Variants in GPD2 observed in about 807,000 individuals in gnomAD.
GPD2 encodes the protein glycerol-3-phosphate dehydrogenase 2.
In GPD2, 54 loss-of-function variants were observed where a neutral mutation model predicts 82.4. The ratio of observed to expected loss-of-function variants is 0.66; its 90% CI spans 0.53 to 0.82. GPD2 has a LOEUF of 0.82. Ranked by LOEUF, GPD2 falls within the 40% of genes least tolerant of loss-of-function variation. The pLI, the probability that GPD2 is intolerant of heterozygous loss-of-function variation, is 0.00. For missense variants in GPD2, 748 were observed against 896.2 expected (o/e 0.83, Z 2.11); for synonymous variants, 288 against 306.1 (o/e 0.94, Z 0.62).
chr2:156,495,252 G>A (rs543219049), intron 2 of GPD2, among the ~76,000 whole-genome samples: 18 of 152,252 alleles, frequency 1.2e-4, no homozygotes, highest in Middle Eastern at 3.4e-3. Context: ...TGTAGGCTGA[G>A]GTGGCAGATT....
At chr2:156,473,616 C>T (rs1406269742) in intron 1 of GPD2, 1 of 152,186 alleles carries the variant, frequency 6.6e-6, no homozygotes, top group Non-Finnish European at 1.5e-5. Context: ...TGCTATGAGT[C>T]AGGCATGTGC....
the GPD2 span, among the ~76,000 whole-genome samples, chr2:156,425,096 T>TTG: frequency 2.0e-5 from 3 of 151,116 alleles, no homozygotes; most frequent in Admixed American, 6.6e-5. Flanking sequence ...TTTATTTTTT[T>TTG]TTTTGTTTTT....
chr2:156,586,242 CTG>C lies in GPD2; in HGVS notation c.*3328_*3329del, dbSNP rs141820097. On this transcript the variant is annotated 3_prime_UTR_variant, in exon 17 of 17. Coordinates refer to ENST00000438166, the MANE Select transcript of GPD2 (RefSeq NM_000408.5). ...AAAAGTTTGAAAATATTTTTACAAA[CTG>C]TGTTTTTGATGACACAAAAGTGAAA... 14,951 of 152,302 alleles carry C rather than the reference CTG, an allele frequency of 0.098. 894 individuals carry two copies. The highest frequency in any genetic ancestry group is 0.14 in the Non-Finnish European group (9,483 of 67,856). The allele number at this position is 152,302 out of a possible 1,614,324, so 9.4% of individuals were successfully genotyped here.
intron 13 of GPD2, among the ~76,000 whole-genome samples, chr2:156,573,078 G>A (rs1243043518): frequency 1.3e-5 from 2 of 152,250 alleles, no homozygotes; most frequent in Non-Finnish European, 1.5e-5. Context: ...TGTTTTTAAA[G>A]TATTCTCATT....
At chr2:156,468,427 G>A (rs1683217183) in intron 1 of GPD2, among the ~76,000 whole-genome samples, 1 of 152,210 alleles carries the variant, frequency 6.6e-6, no homozygotes, top group African/African-American at 2.4e-5. Flanking sequence ...TTCCATGGGT[G>A]TGACAGTGTG....
At chr2:156,517,836 G>GA in intron 6 of GPD2, among the ~76,000 whole-genome samples, 2 of 152,086 alleles carry the variant, frequency 1.3e-5, no homozygotes, top group South Asian at 4.2e-4. Flanking sequence ...CTAGTACACA[G>GA]AAAATGAGCT....
chr2:156,460,278 CTCAG>C (rs1438575440), intron 1 of GPD2, among the ~76,000 whole-genome samples: 16 of 152,188 alleles, frequency 1.1e-4, no homozygotes, highest in African/African-American at 3.9e-4. Flanking sequence ...ATTGCATCTG[CTCAG>C]TCAGAGTGTT....
At chr2:156,460,102 C>T (rs1421533002) in intron 1 of GPD2, among the ~76,000 whole-genome samples, 1 of 152,172 alleles carries the variant, frequency 6.6e-6, no homozygotes, top group Non-Finnish European at 1.5e-5. Flanking sequence ...TTAAGTTTTA[C>T]TTAATATTAT....
chr2:156,425,980 T>G, the GPD2 span, among the ~76,000 whole-genome samples: 1 of 150,694 alleles, frequency 6.6e-6, no homozygotes, highest in Non-Finnish European at 1.5e-5. Flanking sequence ...TGGAGTGCAG[T>G]GGCGCCATCT....
chr2:156,519,102 A>G (rs1280593947), intron 6 of GPD2, among the ~76,000 whole-genome samples: 4 of 152,220 alleles, frequency 2.6e-5, no homozygotes, highest in East Asian at 1.9e-4. Context: ...TCAAATGTCT[A>G]TAATATATAA....
Position 156,585,736 on chromosome 2 carries a change from CTT to C in GPD2, c.*2819_*2820del, listed in dbSNP as rs530679382. 49 of 152,426 alleles carry C rather than the reference CTT, an allele frequency of 3.2e-4. No homozygotes were observed. The highest frequency in any genetic ancestry group is 1.0e-3 in the African/African-American group (43 of 41,492). The allele number at this position is 152,426 out of a possible 1,614,324, so 9.4% of individuals were successfully genotyped here. A position where few individuals can be genotyped will look rare whatever the true frequency, so the allele number is the denominator to read the frequency against. Reference sequence around the variant, plus strand: ...GAGTCATCATTGATGTTATTTTTCTCTTATGTATCTGTAAAGATTTTTGGCAT... The same window carrying C: ...GAGTCATCATTGATGTTATTTTTCTCATGTATCTGTAAAGATTTTTGGCAT... On this transcript the variant is annotated 3_prime_UTR_variant, in exon 17 of 17. Coordinates refer to ENST00000438166, the MANE Select transcript of GPD2 (RefSeq NM_000408.5).
the GPD2 span, among the ~76,000 whole-genome samples, chr2:156,408,461 C>T: frequency 6.6e-6 from 1 of 152,080 alleles, no homozygotes; most frequent in African/African-American, 2.4e-5. Flanking sequence ...TGCAGTGGCT[C>T]TGGCCTGTGA....
intron 2 of GPD2, among the ~76,000 whole-genome samples, chr2:156,483,848 T>A (rs1373254228): frequency 1.3e-5 from 2 of 152,328 alleles, no homozygotes; most frequent in East Asian, 3.9e-4. Context: ...ACATTTTCGA[T>A]CATTTAACCT....
chr2:156,477,448 G>T (rs1683553199), intron 2 of GPD2, among the ~76,000 whole-genome samples: 1 of 151,982 alleles, frequency 6.6e-6, no homozygotes. Flanking sequence ...TCAATAAAAT[G>T]CATAAATAAA....
At chr2:156,434,198 G>A (rs1322051560), upstream of GPD2, among the ~76,000 whole-genome samples, 2 of 152,086 alleles carry the variant, frequency 1.3e-5, no homozygotes, top group Admixed American at 1.3e-4. Flanking sequence ...CTGCCTCCCA[G>A]GTTCAAGTGA....
the GPD2 span, among the ~76,000 whole-genome samples, chr2:156,401,007 G>A: frequency 2.0e-5 from 3 of 152,200 alleles, no homozygotes; most frequent in African/African-American, 7.2e-5. Context: ...CTTCTTGACT[G>A]CTCGAAGTAA....
chr2:156,495,872 G>C (rs1361878980), intron 2 of GPD2, among the ~76,000 whole-genome samples, 172 bp from the exon 3 acceptor site: 2 of 152,136 alleles, frequency 1.3e-5, no homozygotes, highest in East Asian at 3.8e-4. Context: ...ACCGAGAAAT[G>C]TAAGGATTGT....
chr2:156,400,807 T>G, the GPD2 span, among the ~76,000 whole-genome samples: 1 of 152,228 alleles, frequency 6.6e-6, no homozygotes, highest in African/African-American at 2.4e-5. Flanking sequence ...GCTTCGCATG[T>G]GTGAGGTCCC....
At chr2:156,440,634 T>G (rs952791640) in intron 1 of GPD2, among the ~76,000 whole-genome samples, 1 of 152,220 alleles carries the variant, frequency 6.6e-6, no homozygotes, top group Non-Finnish European at 1.5e-5. Context: ...AGTAGAGAAT[T>G]TTATGTTCTT....
Sources: allele counts gnomAD v4.1 joint callset (sites outside exome capture counted in the v4.1 genomes callset), GRCh38; gene constraint gnomAD v4.1.1; transcripts MANE v1.5; gene names NCBI Gene and HGNC (gene_info 2026-07-23, HGNC 2026-07-21).